Variants in RAB11FIP3 observed in about 807,000 individuals in gnomAD.
RAB11FIP3 encodes the protein rab11 family-interacting protein 3.
In RAB11FIP3, 17 loss-of-function variants were observed where a neutral mutation model predicts 77.8. The ratio of observed to expected loss-of-function variants is 0.22; its 90% CI spans 0.15 to 0.33. The LOEUF (loss-of-function observed/expected upper bound fraction) is 0.33. RAB11FIP3 is among the 10% of genes least tolerant of loss of function. The pLI is 1.00. For synonymous variants in RAB11FIP3, 437 were observed against 448.2 expected (o/e 0.98, Z 0.31); for missense variants, 1,005 against 1,011.2 (o/e 0.99, Z 0.08).
chr16:431,999 C>T (rs1042351878), intron 1 of RAB11FIP3, among the ~76,000 whole-genome samples: 38 of 152,164 alleles, frequency 2.5e-4, no homozygotes, highest in Admixed American at 1.5e-3. Context: ...CCGCATGATC[C>T]GCCCACCTCG....
In RAB11FIP3 at chr16:520,292, GCCTC is replaced by G; in HGVS notation, c.2016+24_2016+27del. The G allele has an allele frequency of 1.3e-6, 2 of 1,546,238 alleles. No individual in the cohort carries two copies. Among genetic ancestry groups the G allele is most frequent in the Non-Finnish European group, 1.7e-6 (2 of 1,147,800 alleles). On this transcript the variant is annotated intron_variant, in intron 12 of 13. Transcript: ENST00000262305. Reference sequence around the variant, plus strand: ...GGCTGAAGCAGGTGGGCAGGCCTGGGCCTCCCTCCCTCACACTCCTGCAGAAGCT... The same window carrying G: ...GGCTGAAGCAGGTGGGCAGGCCTGGGCCTCCCTCACACTCCTGCAGAAGCT...
chr16:464,790 G>T (rs1418688204), intron 2 of RAB11FIP3, among the ~76,000 whole-genome samples: 1 of 152,202 alleles, frequency 6.6e-6, no homozygotes, highest in Non-Finnish European at 1.5e-5. Context: ...CTACTTGGGA[G>T]GTTGAGGTGG....
Position 507,191 on chromosome 16 carries a change from A to G in RAB11FIP3, c.1499+1564A>G, listed in dbSNP as rs2031919878. Among the ~76,000 whole-genome samples, 1 of 149,258 alleles carries G rather than the reference A, an allele frequency of 6.7e-6. No individual in the cohort carries two copies. The highest frequency in any genetic ancestry group is 6.7e-5 in the Admixed American group (1 of 14,880). ...CAGTGGCGCAATCTTGGCTCACCGC[A>G]ACCTCCGCATCCCAGGTTCAAGCGA... On this transcript the variant is annotated intron_variant, in intron 8 of 13. Transcript: ENST00000262305. The surrounding 1 kb of genome is among the most constrained non-coding windows in gnomAD (Gnocchi z 4.6).
intron 1 of RAB11FIP3, among the ~76,000 whole-genome samples, chr16:443,726 C>G (rs570714991): frequency 6.6e-6 from 1 of 152,126 alleles, no homozygotes; most frequent in African/African-American, 2.4e-5. Context: ...CTACCACGCC[C>G]GGCTAATTTT....
intron 1 of RAB11FIP3, among the ~76,000 whole-genome samples, chr16:435,073 C>T (rs1447289228): frequency 6.6e-6 from 1 of 151,880 alleles, no homozygotes; most frequent in Middle Eastern, 3.2e-3. Context: ...GGCGTAGTGG[C>T]GGGTGCCTAT....
At chr16:453,747 C>T (rs901012855) in intron 1 of RAB11FIP3, among the ~76,000 whole-genome samples, 3 of 151,942 alleles carry the variant, frequency 2.0e-5, no homozygotes, top group Admixed American at 6.6e-5. Context: ...CCTGCCACCA[C>T]GCCCAGCTAA....
intron 1 of RAB11FIP3, among the ~76,000 whole-genome samples, chr16:436,264 G>A (rs1380028474): frequency 6.6e-6 from 1 of 152,042 alleles, no homozygotes; most frequent in African/African-American, 2.4e-5. Flanking sequence ...AGCCAAGATC[G>A]CGCCACCGCA....
At chr16:440,879 C>G (rs1014645940) in intron 1 of RAB11FIP3, among the ~76,000 whole-genome samples, 2 of 152,078 alleles carry the variant, frequency 1.3e-5, no homozygotes, top group African/African-American at 4.8e-5. Flanking sequence ...CTGCCCTCTT[C>G]CCACCCTCTT....
At chr16:510,373 G>A (rs756322200) in intron 8 of RAB11FIP3, 10 of 373,254 alleles carry the variant, frequency 2.7e-5, no homozygotes, top group African/African-American at 1.0e-4. Flanking sequence ...TGAGTGCTGC[G>A]GTCCACAGGC....
intron 1 of RAB11FIP3, among the ~76,000 whole-genome samples, chr16:448,494 T>C (rs1296114292): frequency 6.6e-6 from 1 of 150,948 alleles, no homozygotes; most frequent in Non-Finnish European, 1.5e-5. Flanking sequence ...CCCAGCACTT[T>C]GGGAGGCCGA....
intron 6 of RAB11FIP3, chr16:497,354 C>T: frequency 7.7e-7 from 1 of 1,303,422 alleles, no homozygotes; most frequent in Non-Finnish European, 1.0e-6. Context: ...TATCTTCCTC[C>T]CCTGCCAGTT....
intron 3 of RAB11FIP3, among the ~76,000 whole-genome samples, chr16:474,478 C>A (rs143456918): frequency 6.6e-6 from 1 of 151,992 alleles, no homozygotes; most frequent in African/African-American, 2.4e-5. Context: ...ACTGTGGCGC[C>A]GCTGAGTTCC....
At chr16:520,317 A>G (rs1457478280) in intron 12 of RAB11FIP3, 40 bp downstream of exon 12, 2 of 1,550,328 alleles carry the variant, frequency 1.3e-6, no homozygotes, top group Non-Finnish European at 8.7e-7. Flanking sequence ...ACTCCTGCAG[A>G]AGCTTCCACA....
rs140362601 is a variant in RAB11FIP3 at position 440,123 on chromosome 16, G to A, written c.714+13403G>A. Among the ~76,000 whole-genome samples the A allele has an allele frequency of 1.1e-3, 170 of 151,132 alleles. 5 individuals are homozygous for A. The East Asian group carries it at 0.026, about 24-fold the overall frequency. ...CTCCCAAAGTGCTGGGATTACAGGCGTGAGCCACCGCGCCCGGCCTTCTTG... is the reference window on the plus strand; with the variant it reads ...CTCCCAAAGTGCTGGGATTACAGGCATGAGCCACCGCGCCCGGCCTTCTTG... On this transcript the variant is annotated intron_variant, in intron 1 of 13. Transcript: ENST00000262305.
At chr16:473,995 T>C (rs2055855673) in intron 3 of RAB11FIP3, among the ~76,000 whole-genome samples, 1 of 152,120 alleles carries the variant, frequency 6.6e-6, no homozygotes, top group African/African-American at 2.4e-5. Flanking sequence ...CGCAGTTACC[T>C]CTCCTCCATG....
At chr16:496,363 G>A (rs1407187086) in intron 5 of RAB11FIP3, among the ~76,000 whole-genome samples, 1 of 152,256 alleles carries the variant, frequency 6.6e-6, no homozygotes, top group Non-Finnish European at 1.5e-5. Context: ...TTTCCAAACT[G>A]ATGCCTAGGC....
At chr16:485,227 C>T (rs1160674817) in intron 4 of RAB11FIP3, among the ~76,000 whole-genome samples, 2 of 152,150 alleles carry the variant, frequency 1.3e-5, no homozygotes, top group African/African-American at 2.4e-5. Flanking sequence ...CCCAGTGAAA[C>T]AATTTTCAGA....
chr16:474,888 G>A (rs971096414), intron 3 of RAB11FIP3: 2 of 1,489,446 alleles, frequency 1.3e-6, no homozygotes, highest in Non-Finnish European at 1.8e-6. Context: ...CTTTCTCCTA[G>A]GTGGTGATGT....
intron 5 of RAB11FIP3, chr16:491,020 C>A: frequency 1.0e-6 from 1 of 953,992 alleles, no homozygotes; most frequent in Non-Finnish European, 1.4e-6. Context: ...TCTCTCTCCA[C>A]GTGCTTTTGT....
Sources: gnomAD v4.1 joint callset for allele counts (sites outside exome capture counted in the v4.1 genomes callset) on GRCh38, gnomAD v4.1.1 for gene constraint, Gnocchi (gnomAD v3.1) non-coding constraint, MANE v1.5 for transcripts, NCBI Gene and HGNC (gene_info 2026-07-23, HGNC 2026-07-21) for gene names.